The following SLC25A48 variants were observed in gnomAD, a reference collection of about 807,000 sequenced individuals.
The protein encoded by SLC25A48 is solute carrier family 25 member 48.
SLC25A48 carries 29 observed loss-of-function variants against 32.2 expected under a neutral mutation model. The observed-to-expected ratio is 0.90, with a 90% CI of 0.67 to 1.23. SLC25A48 has a LOEUF of 1.23. Among genes scored for constraint, SLC25A48 ranks in the 50% most tolerant of loss-of-function variants. The pLI is 0.00. For missense variants in SLC25A48, 399 were observed against 422.7 expected (o/e 0.94, Z 0.49); for synonymous variants, 164 against 172.3 (o/e 0.95, Z 0.38).
At chr5:135,640,241 G>A (rs1752799775) in intron 3 of SLC25A48, among the ~76,000 whole-genome samples, 2 of 152,132 alleles carry the variant, frequency 1.3e-5, no homozygotes, top group African/African-American at 4.8e-5. Context: ...AAAAGAAAGA[G>A]TTAAAAATTG....
Position 135,852,675 on chromosome 5 carries a change from G to T in SLC25A48, c.275G>T (p.Cys92Phe), listed in dbSNP as rs1321129558. 3 of 1,613,840 alleles carry T rather than the reference G, an allele frequency of 1.9e-6. No individual in the cohort carries two copies. Among genetic ancestry groups the T allele is most frequent in the Non-Finnish European group, 2.5e-6 (3 of 1,179,914 alleles). ...CAGCGGTTCCTCAGCCAGCACCGCT[G>T]CGGGGAGCCAGAGGCCAGTCCTCCC... The part of the protein sequence containing the change: ...NTQRFLSQHR[C>F]GEPEASPPRT... The change falls in exon 4 of 8, where the codon TGC becomes TTC. Residue 92 changes from cysteine to phenylalanine, a missense_variant. Cys to Phe is a radical substitution (Grantham distance 205). Coordinates refer to ENST00000681962, the MANE Select transcript of SLC25A48 (RefSeq NM_001349336.2).
chr5:135,734,398 C>T (rs1044067737), intron 3 of SLC25A48, among the ~76,000 whole-genome samples: 4 of 152,058 alleles, frequency 2.6e-5, no homozygotes, highest in Non-Finnish European at 5.9e-5. Context: ...AGAATGTTGT[C>T]CAAGTTGGCA....
intron 3 of SLC25A48, among the ~76,000 whole-genome samples, chr5:135,771,694 C>G (rs538179460): frequency 6.7e-4 from 101 of 151,318 alleles, no homozygotes; most frequent in African/African-American, 2.4e-3. Flanking sequence ...CCCAATATTG[C>G]TGGGGGTGTA....
At position 135,781,616 on chromosome 5, in the gene SLC25A48, G is replaced by A. The variant is rs1561490308; in HGVS notation, c.-520-30907G>A. ...CTGATATATTATTCCTAATATCCCC[G>A]TGGGTAGAGGATGATATTACATTCA... On this transcript the variant is annotated intron_variant, in intron 3 of 10. Coordinates refer to the SLC25A48 transcript ENST00000646290. 3.4e-5 allele frequency among the ~76,000 whole-genome samples: 4 copies of A among 116,678 alleles called. 2 individuals are homozygous for A. The highest frequency in any genetic ancestry group is 5.2e-5 in the African/African-American group (2 of 38,386). The allele number at this position is 116,678 out of a possible 152,430, so 76.5% of individuals were successfully genotyped here.
intron 3 of SLC25A48, among the ~76,000 whole-genome samples, chr5:135,728,584 C>T (rs1011308300): frequency 5.9e-5 from 9 of 152,040 alleles, no homozygotes; most frequent in Non-Finnish European, 2.9e-5. Flanking sequence ...TTTAATTTTT[C>T]CTGTCATAGA....
At chr5:135,747,057 T>A (rs1056859341) in intron 3 of SLC25A48, among the ~76,000 whole-genome samples, 6 of 151,810 alleles carry the variant, frequency 4.0e-5, no homozygotes, top group Non-Finnish European at 8.8e-5. Flanking sequence ...TTTTTGGTAA[T>A]GTGAAGCTTG....
At chr5:135,627,588 T>C (rs1752466332) in intron 1 of SLC25A48, among the ~76,000 whole-genome samples, 1 of 151,796 alleles carries the variant, frequency 6.6e-6, no homozygotes, top group African/African-American at 2.4e-5. Context: ...AAGTACTTCA[T>C]GGTTTTTTGA....
intron 7 of SLC25A48, among the ~76,000 whole-genome samples, chr5:135,880,890 C>T (rs547780795): frequency 1.4e-4 from 22 of 152,284 alleles, no homozygotes; most frequent in African/African-American, 3.8e-4. Flanking sequence ...TCCAGGATGC[C>T]GGCTTGCTTT....
chr5:135,725,969 G>A (rs1755079336), intron 3 of SLC25A48, among the ~76,000 whole-genome samples: 2 of 152,210 alleles, frequency 1.3e-5, no homozygotes, highest in South Asian at 4.1e-4. Flanking sequence ...AATGCCAGGG[G>A]AGACAGCACT....
chr5:135,822,510 G>T (rs571283396), intron 4 of SLC25A48, among the ~76,000 whole-genome samples: 62 of 152,178 alleles, frequency 4.1e-4, no homozygotes, highest in African/African-American at 1.5e-3. Flanking sequence ...TTGGTTTGTG[G>T]CAGCATCATT....
intron 3 of SLC25A48, among the ~76,000 whole-genome samples, chr5:135,670,068 G>T (rs534600777): frequency 1.3e-5 from 2 of 152,330 alleles, no homozygotes; most frequent in African/African-American, 4.8e-5. Context: ...TTAACTGGGA[G>T]TTTCTTAGTA....
Position 135,834,880 on chromosome 5 carries a change from G to A in SLC25A48, c.33G>A (p.Ala11=). 6.2e-7 allele frequency: 1 copy of A among 1,603,792 alleles called. No individual in the cohort carries two copies. Among genetic ancestry groups the A allele is most frequent in the Non-Finnish European group, 8.5e-7 (1 of 1,176,102 alleles). Residue 11 remains alanine, a synonymous_variant, in exon 1 of 8, where the codon GCG becomes GCA. Coordinates refer to ENST00000681962, the MANE Select transcript of SLC25A48 (RefSeq NM_001349336.2). MGSFQLEDFA[A]GWIGGAASVI... ...GCTTCCAGCTGGAAGACTTTGCGGCGGGCTGGATCGGAGGTGAGTGTGCTT... is the reference window on the plus strand; with the variant it reads ...GCTTCCAGCTGGAAGACTTTGCGGCAGGCTGGATCGGAGGTGAGTGTGCTT...
At chr5:135,683,932 A>G (rs1284501283) in intron 3 of SLC25A48, among the ~76,000 whole-genome samples, 1 of 152,066 alleles carries the variant, frequency 6.6e-6, no homozygotes, top group Admixed American at 6.5e-5. Flanking sequence ...CCATGTGGTA[A>G]ACATGAGCTC....
chr5:135,655,270 C>T (rs1439147331), intron 3 of SLC25A48, among the ~76,000 whole-genome samples: 3 of 152,168 alleles, frequency 2.0e-5, no homozygotes, highest in Non-Finnish European at 2.9e-5. Flanking sequence ...AGGGGCCAGG[C>T]GCTTTCTAAG....
chr5:135,657,388 T>C (rs144288690), intron 3 of SLC25A48, among the ~76,000 whole-genome samples: 57 of 152,370 alleles, frequency 3.7e-4, no homozygotes, highest in African/African-American at 1.3e-3. Flanking sequence ...TGAAGACTTA[T>C]GAAAGTCAAA....
chr5:135,888,279 G>T lies in SLC25A48; in HGVS notation c.*255G>T. ...AGGCTGGCATCAAAGAGCTTTCCAA[G>T]AAATGTTTGGTCCAGCTGAGAAGTC... is the stretch of plus-strand genomic sequence containing the variant. On this transcript the variant is annotated 3_prime_UTR_variant, in exon 8 of 8. Transcript: ENST00000681962. The T allele has an allele frequency of 2.0e-6, 1 of 512,054 alleles. No homozygotes were observed. Among genetic ancestry groups the T allele is most frequent in the Non-Finnish European group, 3.5e-6 (1 of 287,528 alleles). The allele number at this position is 512,054 out of a possible 1,614,324, so 31.7% of individuals were successfully genotyped here. A position where few individuals can be genotyped will look rare whatever the true frequency, so the allele number is the denominator to read the frequency against.
intron 7 of SLC25A48, among the ~76,000 whole-genome samples, chr5:135,885,186 C>T (rs934043616): frequency 6.6e-6 from 1 of 152,206 alleles, no homozygotes; most frequent in Admixed American, 6.5e-5. Flanking sequence ...CCATCAACCA[C>T]ATCAGAACTG....
chr5:135,703,875 G>A (rs6870213), intron 3 of SLC25A48, among the ~76,000 whole-genome samples: 1,910 of 152,212 alleles, frequency 0.013, 54 homozygotes, highest in African/African-American at 0.044. Flanking sequence ...CTTTTTCTGC[G>A]TACTGTGCCC....
intron 4 of SLC25A48, among the ~76,000 whole-genome samples, chr5:135,829,558 T>C (rs368703819): frequency 9.2e-5 from 14 of 152,242 alleles, no homozygotes; most frequent in African/African-American, 3.4e-4. Flanking sequence ...TGGGATGGTA[T>C]TGGGGAAGGG....
Sources: allele counts gnomAD v4.1 joint callset (sites outside exome capture counted in the v4.1 genomes callset), GRCh38; gene constraint gnomAD v4.1.1; transcripts MANE v1.5; gene names NCBI Gene and HGNC (gene_info 2026-07-23, HGNC 2026-07-21).